Variants in GRIA1 observed in about 807,000 individuals in gnomAD.
GRIA1 encodes the protein glutamate ionotropic receptor AMPA type subunit 1, also known as glutamate receptor 1.
A neutral mutation model predicts 99.2 loss-of-function variants in GRIA1; 31 were observed. The observed-to-expected ratio is 0.31, with a 90% CI of 0.23 to 0.42. The LOEUF (loss-of-function observed/expected upper bound fraction) is 0.42. Among genes scored for constraint, GRIA1 ranks in the 10% least tolerant of loss-of-function variants. GRIA1 has a pLI of 1.00. For missense variants in GRIA1, 782 were observed against 1,157.5 expected, an observed-to-expected ratio of 0.68 and a Z score of 4.71; for synonymous variants, 438 against 432.4, an observed-to-expected ratio of 1.01 and a Z score of -0.16.
At chr5:153,723,802 A>C (rs1408775470) in intron 11 of GRIA1, among the ~76,000 whole-genome samples, 1 of 151,732 alleles carries the variant, frequency 6.6e-6, no homozygotes, top group Non-Finnish European at 1.5e-5. Flanking sequence ...TGTAGGCTCC[A>C]CCTCTGGGGG....
At chr5:153,517,916 T>G (rs1484662565) in intron 2 of GRIA1, among the ~76,000 whole-genome samples, 1 of 152,216 alleles carries the variant, frequency 6.6e-6, no homozygotes, top group Non-Finnish European at 1.5e-5. Context: ...TACAAGGCCC[T>G]CCATGAACCT....
chr5:153,752,653 T>C (rs1762575607), intron 11 of GRIA1, among the ~76,000 whole-genome samples: 1 of 152,208 alleles, frequency 6.6e-6, no homozygotes, highest in Non-Finnish European at 1.5e-5. Context: ...ATATTCACTT[T>C]TATCTCCTCA....
At position 153,649,440 on chromosome 5, in the gene GRIA1, T is replaced by TTTAGTTAGTTAG. The variant is rs147092950; in HGVS notation, c.461-867_461-856dup. Among the ~76,000 whole-genome samples the TTTAGTTAGTTAG allele has an allele frequency of 9.3e-3, 1,362 of 146,900 alleles. 25 individuals carry two copies. Among genetic ancestry groups the TTTAGTTAGTTAG allele is most frequent in the African/African-American group, 0.029 (1,168 of 39,832 alleles). ...ATTCAGGACACATTTTATTTATTTATTTAGTTAGTTAGTTAGTTAGTTAGT... is the reference window on the plus strand; with the variant it reads ...ATTCAGGACACATTTTATTTATTTATTTAGTTAGTTAGTTAGTTAGTTAGTTAGTTAGTTAGT... On this transcript the variant is annotated intron_variant, in intron 3 of 15. Transcript: ENST00000285900.
chr5:153,542,420 G>C (rs1759211961), intron 2 of GRIA1, among the ~76,000 whole-genome samples: 1 of 152,186 alleles, frequency 6.6e-6, no homozygotes, highest in African/African-American at 2.4e-5. Context: ...AGCAGGAGTT[G>C]CCACATTGTG....
chr5:153,511,143 A>G (rs976378057), intron 2 of GRIA1, among the ~76,000 whole-genome samples: 3 of 152,236 alleles, frequency 2.0e-5, no homozygotes, highest in African/African-American at 7.2e-5. Flanking sequence ...GGTGAGTGAC[A>G]GATCAATGAC....
Position 153,764,572 on chromosome 5 carries a change from G to A in GRIA1, c.1962G>A (p.Ala654=), listed in dbSNP as rs1270935592. The A allele has an allele frequency of 6.2e-6, 10 of 1,613,974 alleles. No homozygotes were observed. Among genetic ancestry groups the A allele is most frequent in the East Asian group, 2.2e-5 (1 of 44,868 alleles). Residue 654 remains alanine, a synonymous_variant, in exon 12 of 16, where the codon GCG becomes GCA. Transcript: ENST00000285900. ...VSPIESAEDL[A]KQTEIAYGTL... The stretch of plus-strand genomic sequence containing the variant: ...CCATTGAGAGTGCAGAGGACCTAGC[G>A]AAGCAGACAGAAATTGCCTACGGGA...
chr5:153,704,285 C>A (rs1758734086), intron 10 of GRIA1, among the ~76,000 whole-genome samples: 1 of 152,220 alleles, frequency 6.6e-6, no homozygotes, highest in Non-Finnish European at 1.5e-5. Context: ...AAGAGAAAGC[C>A]ATTTGCCTTG....
At chr5:153,567,088 G>C (rs997958381) in intron 2 of GRIA1, among the ~76,000 whole-genome samples, 1 of 152,096 alleles carries the variant, frequency 6.6e-6, no homozygotes, top group African/African-American at 2.4e-5. Context: ...CACAGTTTTA[G>C]ATCTTTTTTG....
chr5:153,506,316 GGTGTGTGTGTGTGTGTGTGT>G (rs61220170), intron 2 of GRIA1, among the ~76,000 whole-genome samples: 8 of 140,324 alleles, frequency 5.7e-5, no homozygotes, highest in Admixed American at 5.6e-4. Flanking sequence ...TGGCAAGAAG[GGTGTGTGTGTGTGTGTGTGT>G]GTGTGTGTGT....
rs137975911 is a variant in GRIA1 at position 153,715,557 on chromosome 5, C to T, written c.1823+9490C>T. Among the ~76,000 whole-genome samples the T allele has an allele frequency of 2.2e-3, 332 of 152,158 alleles. 1 individual carries two copies. The highest frequency in any genetic ancestry group is 4.9e-3 in the Admixed American group (75 of 15,286). ...CTGGAAAACAGGAAAAATAATAAGACCTACCTCAAATGAGATATTTTGAGG... is the reference window on the plus strand; with the variant it reads ...CTGGAAAACAGGAAAAATAATAAGATCTACCTCAAATGAGATATTTTGAGG... On this transcript the variant is annotated intron_variant, in intron 11 of 15. Coordinates refer to ENST00000285900, the MANE Select transcript of GRIA1 (RefSeq NM_000827.4).
chr5:153,528,017 A>C (rs1581178611), intron 2 of GRIA1, among the ~76,000 whole-genome samples: 1 of 152,194 alleles, frequency 6.6e-6, no homozygotes, highest in African/African-American at 2.4e-5. Flanking sequence ...TTATTACTTT[A>C]TGAGTACAGT....
At chr5:153,727,044 A>C (rs549937432) in intron 11 of GRIA1, among the ~76,000 whole-genome samples, 1 of 152,298 alleles carries the variant, frequency 6.6e-6, no homozygotes, top group African/African-American at 2.4e-5. Flanking sequence ...CACCATGATC[A>C]AGTGGGCTTC....
intron 2 of GRIA1, among the ~76,000 whole-genome samples, chr5:153,596,449 C>T (rs1340754942): frequency 6.6e-6 from 1 of 152,202 alleles, no homozygotes; most frequent in Admixed American, 6.5e-5. Context: ...CTGATCCCCA[C>T]AGCAGGCCTG....
chr5:153,555,351 T>A (rs950740758), intron 2 of GRIA1, among the ~76,000 whole-genome samples: 3 of 151,860 alleles, frequency 2.0e-5, no homozygotes, highest in African/African-American at 7.3e-5. Context: ...CCATTTCATT[T>A]TTCGCGCATT....
intron 8 of GRIA1, among the ~76,000 whole-genome samples, chr5:153,694,010 C>T (rs929273942): frequency 3.3e-5 from 5 of 152,118 alleles, no homozygotes; most frequent in Admixed American, 6.5e-5. Context: ...CTGACCCTGG[C>T]AATATTTTGT....
chr5:153,590,758 A>G (rs1186269431), intron 2 of GRIA1, among the ~76,000 whole-genome samples: 1 of 152,218 alleles, frequency 6.6e-6, no homozygotes, highest in African/African-American at 2.4e-5. Flanking sequence ...CCAAGTTATC[A>G]TAAAAGCAGT....
intron 13 of GRIA1, among the ~76,000 whole-genome samples, chr5:153,781,222 A>C (rs1224727053): frequency 6.6e-6 from 1 of 152,148 alleles, no homozygotes; most frequent in African/African-American, 2.4e-5. Context: ...TCCCCAAACA[A>C]AGAAAATCAG....
At chr5:153,794,511 C>T in intron 13 of GRIA1, 110 bp from the exon 14 acceptor site, 1 of 755,110 alleles carries the variant, frequency 1.3e-6, no homozygotes, top group Non-Finnish European at 2.4e-6. Context: ...GGTCAAAGGG[C>T]AACCTGGCAG....
intron 1 of GRIA1, 49 bp downstream of exon 1, chr5:153,491,019 A>AT (rs770962751): frequency 9.0e-6 from 14 of 1,552,020 alleles, no homozygotes; most frequent in Admixed American, 1.7e-5. Flanking sequence ...CTGGCCAGGG[A>AT]TTTTTTTGGG....
Sources: gnomAD v4.1 joint callset for allele counts (sites outside exome capture counted in the v4.1 genomes callset) on GRCh38, gnomAD v4.1.1 for gene constraint, MANE v1.5 for transcripts, NCBI Gene and HGNC (gene_info 2026-07-23, HGNC 2026-07-21) for gene names.